CFAP46: variants seen among roughly 807,000 people sequenced by gnomAD.
CFAP46 encodes cilia- and flagella-associated protein 46.
A neutral mutation model predicts 325.7 loss-of-function variants in CFAP46; 245 were observed. The ratio of observed to expected loss-of-function variants is 0.75; its 90% CI spans 0.68 to 0.84. The LOEUF (loss-of-function observed/expected upper bound fraction) is 0.84, where lower values mean the gene tolerates loss of function less well. Ranked by LOEUF, CFAP46 falls within the 40% of genes least tolerant of loss-of-function variation. CFAP46 has a pLI of 0.00. For missense variants in CFAP46, 3,346 were observed against 3,543.0 expected, an observed-to-expected ratio of 0.94 and a Z score of 1.41; for synonymous variants, 1,523 against 1,495.9, an observed-to-expected ratio of 1.02 and a Z score of -0.42.
chr10:132,848,934 G>C (rs1848488061), intron 41 of CFAP46, among the ~76,000 whole-genome samples: 1 of 152,166 alleles, frequency 6.6e-6, no homozygotes. Context: ...ACTAAAACGG[G>C]GGTTAGAGGA....
At chr10:132,812,578 G>A (rs902240479) in intron 55 of CFAP46, among the ~76,000 whole-genome samples, 51 of 152,226 alleles carry the variant, frequency 3.4e-4, no homozygotes, top group African/African-American at 1.1e-3. Flanking sequence ...CCACGTCTGT[G>A]TGGGCCAGGC....
intron 22 of CFAP46, among the ~76,000 whole-genome samples, chr10:132,899,936 G>A (rs779102342): frequency 2.6e-5 from 4 of 152,164 alleles, no homozygotes; most frequent in Non-Finnish European, 5.9e-5. Flanking sequence ...GGAGACAGCC[G>A]CCCTGGGAAT....
intron 13 of CFAP46, among the ~76,000 whole-genome samples, chr10:132,920,901 G>C (rs1849713030): frequency 6.6e-6 from 1 of 152,234 alleles, no homozygotes; most frequent in Admixed American, 6.5e-5. Context: ...ACGCCCATGA[G>C]TGAAAGGAGT....
chr10:132,889,023 G>A lies in CFAP46; in HGVS notation c.3305-3064C>T, dbSNP rs1288291847. On this transcript the variant is annotated intron_variant, in intron 25 of 57. Transcript: ENST00000368586. This position sits in a 1 kb window ranked among gnomAD's most constrained non-coding sequence, Gnocchi z 6.0. ...CTTCTCAGACTACGCAGCCCCTCAC[G>A]CCCTTTCTCTTTTCAGAAGTCTGGT... Among the ~76,000 whole-genome samples the A allele has an allele frequency of 4.6e-5, 7 of 152,136 alleles. No homozygotes were observed. The highest frequency in any genetic ancestry group is 2.1e-4 in the South Asian group (1 of 4,828).
chr10:132,808,810 CG>C lies in CFAP46; in HGVS notation c.7758del (p.Ala2587HisfsTer6). ...HHAQLGPVWA[A>X]APSHRVVQAW... The stretch of plus-strand genomic sequence containing the variant: ...GCCTGCACTACCCGATGGCTTGGTG[CG>C]GCAGCCCATACAGGACCAAGTTGAG... On this transcript the variant is annotated frameshift_variant, in exon 58 of 58. Transcript: ENST00000368586. LOFTEE classifies it low-confidence loss of function (END_TRUNC). This position sits in a 1 kb window ranked among gnomAD's most constrained non-coding sequence, Gnocchi z 6.8. The C allele has an allele frequency of 6.2e-7, 1 of 1,607,546 alleles. No individual in the cohort carries two copies. Among genetic ancestry groups the C allele is most frequent in the Non-Finnish European group, 8.5e-7 (1 of 1,177,426 alleles).
intron 13 of CFAP46, 92 bp from the exon 14 acceptor site, chr10:132,920,274 G>A (rs1232496958): frequency 7.1e-7 from 1 of 1,409,924 alleles, no homozygotes; most frequent in East Asian, 2.7e-5. Flanking sequence ...GCCGGCGCCG[G>A]GGTGGCCACC....
chr10:132,834,696 A>C lies in CFAP46; in HGVS notation c.6824T>G (p.Leu2275Arg). Reference protein sequence around the residue: ...LSSVLGPLEELLQPLFPLLSL... With the variant: ...LSSVLGPLEERLQPLFPLLSL... Reference sequence around the variant, plus strand: ...GAGCAGGGGGAATAGCGGCTGCAGAAGCTCCTCCAGGGGCCCCAGGACGCT... The same window carrying C: ...GAGCAGGGGGAATAGCGGCTGCAGACGCTCCTCCAGGGGCCCCAGGACGCT... Residue 2275 changes from leucine (L) to arginine (R), a missense_variant, in exon 48 of 58, where the codon CTT (leucine) becomes CGT (arginine). Coordinates refer to ENST00000368586, the MANE Select transcript of CFAP46 (RefSeq NM_001200049.3). 6.2e-7 allele frequency: 1 copy of C among 1,612,982 alleles called. No individual in the cohort carries two copies. The highest frequency in any genetic ancestry group is 8.5e-7 in the Non-Finnish European group (1 of 1,179,928).
rs1382852741 is a variant in CFAP46 at position 132,941,457 on chromosome 10, C to T, written c.306+134G>A. 9 of 1,213,448 alleles carry T rather than the reference C, an allele frequency of 7.4e-6. No homozygotes were observed. In the Admixed American group the frequency reaches 1.2e-4, roughly 17 times the overall value. The allele number at this position is 1,213,448 out of a possible 1,614,324, so 75.2% of individuals were successfully genotyped here. On this transcript the variant is annotated intron_variant, in intron 3 of 57. Coordinates refer to ENST00000368586, the MANE Select transcript of CFAP46 (RefSeq NM_001200049.3). ...CATGGACAGGAAATGGTGCAAGTTT[C>T]GTGTCACTCTGGAAAGGAATTCCTT...
At chr10:132,878,228 C>T (rs1337083573) in intron 29 of CFAP46, 141 bp from the exon 30 acceptor site, 19 of 798,458 alleles carry the variant, frequency 2.4e-5, no homozygotes, top group Non-Finnish European at 3.6e-5. Context: ...GCGTCCCCGT[C>T]AGCTGCCATC....
chr10:132,848,564 G>A (rs1413705088), intron 41 of CFAP46, among the ~76,000 whole-genome samples: 1 of 152,108 alleles, frequency 6.6e-6, no homozygotes, highest in South Asian at 2.1e-4. Flanking sequence ...GGAGGGGGTG[G>A]GGGCTTATCC....
intron 27 of CFAP46, among the ~76,000 whole-genome samples, chr10:132,882,227 G>GGGTGTGAGT (rs535890922): frequency 4.7e-5 from 7 of 148,372 alleles, no homozygotes; most frequent in Non-Finnish European, 7.6e-5. Context: ...GTGGGATGTG[G>GGGTGTGAGT]GGTGTGAGTG....
rs1223246495 is a variant in CFAP46, at chr10:132,847,181, C to T, written c.6087+6G>A. ...GCCACACGAGGGGCAGGAGGGGCAG[C>T]CGCACCTTCAGGTCCTCGCCTCTCC... On this transcript the variant is annotated splice_donor_region_variant and intron_variant, in intron 42 of 57. Coordinates refer to ENST00000368586, the MANE Select transcript of CFAP46 (RefSeq NM_001200049.3). This position sits in a 1 kb window ranked among gnomAD's most constrained non-coding sequence, Gnocchi z 5.2. 1.9e-6 allele frequency: 3 copies of T among 1,610,124 alleles called. No homozygotes were observed. Among genetic ancestry groups the T allele is most frequent in the Non-Finnish European group, 2.5e-6 (3 of 1,178,966 alleles).
chr10:132,864,021 TTCC>T (rs1027618774), intron 35 of CFAP46, among the ~76,000 whole-genome samples: 1 of 137,986 alleles, frequency 7.2e-6, no homozygotes, highest in African/African-American at 2.8e-5. Flanking sequence ...AACACACCTG[TTCC>T]TGCTATTAGA....
chr10:132,822,666 C>CA (rs1847892182), intron 50 of CFAP46, among the ~76,000 whole-genome samples: 1 of 95,618 alleles, frequency 1.0e-5, no homozygotes, highest in Admixed American at 1.3e-4. Context: ...GCTGTGTGTG[C>CA]GCTTGTGTGT....
At position 132,910,002 on chromosome 10, in the gene CFAP46, G is replaced by A. The variant is rs771061338; in HGVS notation, c.2566C>T (p.Arg856Trp). The A allele has an allele frequency of 8.2e-5, 126 of 1,542,824 alleles. No homozygotes were observed. Among genetic ancestry groups the A allele is most frequent in the Middle Eastern group, 1.7e-4 (1 of 5,930 alleles). ...ACCCAGGTGGCGATAAGCTGCTGCC[G>A]GGTGCCGGTGGGCACCGTCTCCTCG... ...APEETVPTGT[R>W]QQLIATWVKA... The change falls in exon 20 of 58, where the codon CGG becomes TGG. Residue 856 changes from arginine (R) to tryptophan (W), a missense_variant. Arg to Trp is a moderately radical substitution (Grantham distance 101). Transcript: ENST00000368586.
intron 41 of CFAP46, among the ~76,000 whole-genome samples, chr10:132,849,173 C>A (rs1848492956): frequency 6.6e-6 from 1 of 152,240 alleles, no homozygotes; most frequent in African/African-American, 2.4e-5. Context: ...CAGCAGCATT[C>A]ATGGATGAGG....
chr10:132,837,421 G>A (rs1057297148), intron 44 of CFAP46, among the ~76,000 whole-genome samples: 1 of 150,638 alleles, frequency 6.6e-6, no homozygotes, highest in East Asian at 2.0e-4. Context: ...AGACATGCAC[G>A]GACACAGACA....
chr10:132,872,966 C>T, intron 31 of CFAP46, 142 bp from the exon 32 acceptor site: 2 of 887,534 alleles, frequency 2.3e-6, no homozygotes, highest in Non-Finnish European at 3.4e-6. Flanking sequence ...TGTCCGCACA[C>T]AGCAGGTGCT....
intron 44 of CFAP46, among the ~76,000 whole-genome samples, chr10:132,838,008 G>A (rs2135039940): frequency 6.6e-6 from 1 of 151,744 alleles, no homozygotes; most frequent in East Asian, 1.9e-4. Context: ...TGTACACAGT[G>A]CAGACTCAGA....
Sources: allele counts gnomAD v4.1 joint callset (sites outside exome capture counted in the v4.1 genomes callset), GRCh38; gene constraint gnomAD v4.1.1; non-coding constraint Gnocchi (gnomAD v3.1); transcripts MANE v1.5; gene names NCBI Gene and HGNC (gene_info 2026-07-23, HGNC 2026-07-21).